The following UGT3A2 variants were observed in gnomAD, a reference collection of about 807,000 sequenced individuals.
UGT3A2 encodes UDP glycosyltransferase family 3 member A2.
UGT3A2 carries 32 observed loss-of-function variants against 39.8 expected under a neutral mutation model. The ratio of observed to expected loss-of-function variants is 0.80; its 90% CI spans 0.61 to 1.08. The LOEUF (loss-of-function observed/expected upper bound fraction) is 1.08, where lower values mean the gene tolerates loss of function less well. UGT3A2 is among the 50% of genes least tolerant of loss of function. The pLI is 0.00. For missense variants in UGT3A2, 611 were observed against 637.1 expected (o/e 0.96, Z 0.44); for synonymous variants, 241 against 230.7 (o/e 1.04, Z -0.40).
chr5:36,064,540 A>T (rs267769), intron 1 of UGT3A2, among the ~76,000 whole-genome samples, 190 bp from the exon 2 acceptor site: 57,169 of 151,976 alleles, frequency 0.38, 10,965 homozygotes, highest in African/African-American at 0.4. Context: ...TGGCCGCCCA[A>T]ATTTTTACCT....
intron 4 of UGT3A2, among the ~76,000 whole-genome samples, chr5:36,042,942 A>G (rs7702340): frequency 0.067 from 10,138 of 152,092 alleles, 1,200 homozygotes; most frequent in African/African-American, 0.23. Flanking sequence ...TAATAGATGG[A>G]AAATGCAACA....
intron 4 of UGT3A2, 80 bp downstream of exon 4, chr5:36,048,809 C>T: frequency 6.5e-7 from 1 of 1,547,788 alleles, no homozygotes; most frequent in Non-Finnish European, 8.7e-7. Flanking sequence ...CCTCAGGATC[C>T]TACTGGCAAG....
At chr5:36,042,590 AAG>A (rs1742044803) in intron 4 of UGT3A2, among the ~76,000 whole-genome samples, 1 of 152,096 alleles carries the variant, frequency 6.6e-6, no homozygotes. Flanking sequence ...TCAAAACAGA[AAG>A]AGTGATTGAA....
At chr5:36,041,974 T>C (rs934674030) in intron 4 of UGT3A2, among the ~76,000 whole-genome samples, 2 of 151,894 alleles carry the variant, frequency 1.3e-5, no homozygotes, top group Non-Finnish European at 2.9e-5. Context: ...GAATTCAAAA[T>C]AACCGTTTTG....
intron 4 of UGT3A2, among the ~76,000 whole-genome samples, chr5:36,047,099 G>A (rs901561858): frequency 6.6e-6 from 1 of 152,208 alleles, no homozygotes; most frequent in African/African-American, 2.4e-5. Flanking sequence ...TGCACTCAGT[G>A]AAAGGCTAGT....
At chr5:36,062,577 G>T (rs1157634532) in intron 2 of UGT3A2, among the ~76,000 whole-genome samples, 1 of 151,272 alleles carries the variant, frequency 6.6e-6, no homozygotes, top group Admixed American at 6.6e-5. Flanking sequence ...ATTTCTGAGG[G>T]CTCTGTTCTG....
At position 36,066,844 on chromosome 5, in the gene UGT3A2, G is replaced by A; in HGVS notation, c.-55C>T. On this transcript the variant is annotated 5_prime_UTR_variant, in exon 1 of 7. Transcript: ENST00000282507. ...GCCTGGGCTGCGCGCCCTGCGCCCG[G>A]CTAAGGGACCCTGTGCACCTCAGTG... is the stretch of plus-strand genomic sequence containing the variant. 6.2e-7 allele frequency: 1 copy of A among 1,607,544 alleles called. No individual in the cohort carries two copies. The highest frequency in any genetic ancestry group is 8.5e-7 in the Non-Finnish European group (1 of 1,174,190).
At chr5:36,064,130 C>A (rs1411158293) in intron 2 of UGT3A2, 119 bp downstream of exon 2, 7 of 935,806 alleles carry the variant, frequency 7.5e-6, no homozygotes, top group African/African-American at 3.4e-5. Context: ...CACACACAAG[C>A]TTTTCATCCT....
intron 2 of UGT3A2, among the ~76,000 whole-genome samples, chr5:36,062,780 C>G (rs973634877): frequency 2.0e-5 from 3 of 152,192 alleles, no homozygotes; most frequent in Non-Finnish European, 4.4e-5. Context: ...TGGTTCACAC[C>G]TGTAATCCCA....
rs1482856920 is a variant in UGT3A2 at position 36,048,259 on chromosome 5, A to G, written c.843+630T>C. On this transcript the variant is annotated intron_variant, in intron 4 of 6. Coordinates refer to ENST00000282507, the MANE Select transcript of UGT3A2 (RefSeq NM_174914.4). ...ACTCATCTTAGCTCTCCTCCTTTTG[A>G]AAAATTTCTATAGCAGAGGTTCTGA... Among the ~76,000 whole-genome samples the G allele has an allele frequency of 2.0e-5, 3 of 152,372 alleles. No homozygotes were observed. In the East Asian group the frequency reaches 5.8e-4, roughly 29 times the overall value.
chr5:36,041,775 G>C (rs923335042), intron 4 of UGT3A2, among the ~76,000 whole-genome samples: 8 of 152,162 alleles, frequency 5.3e-5, no homozygotes, highest in African/African-American at 1.9e-4. Flanking sequence ...GCTTTCTCAA[G>C]AAGGACAGGT....
chr5:36,042,310 C>T (rs1396343135), intron 4 of UGT3A2, among the ~76,000 whole-genome samples: 3 of 152,018 alleles, frequency 2.0e-5, no homozygotes, highest in Non-Finnish European at 2.9e-5. Context: ...GTTAAGTTGT[C>T]ATCAGATTAA....
rs1742360732 is a variant in UGT3A2 at position 36,052,060 on chromosome 5, A to G, written c.197-76T>C. 4.0e-5 allele frequency: 35 copies of G among 881,782 alleles called. No individual in the cohort carries two copies. The South Asian group carries it at 5.5e-4, about 14-fold the overall frequency. 54.6% of individuals were successfully genotyped at this position (881,782 alleles called of 1,614,324 possible). On this transcript the variant is annotated intron_variant, in intron 2 of 6. Transcript: ENST00000282507. Reference sequence around the variant, plus strand: ...GAGTAACATTAGCATAACAATATCAAAACTTATTTCAAAGATTATGTATGT... The same window carrying G: ...GAGTAACATTAGCATAACAATATCAGAACTTATTTCAAAGATTATGTATGT...
chr5:36,056,640 T>G (rs1742523026), intron 2 of UGT3A2, among the ~76,000 whole-genome samples: 1 of 152,252 alleles, frequency 6.6e-6, no homozygotes, highest in Non-Finnish European at 1.5e-5. Flanking sequence ...CGTTTAATCC[T>G]GCAGAGGCAA....
intron 1 of UGT3A2, 117 bp downstream of exon 1, chr5:36,066,579 G>C: frequency 6.4e-7 from 1 of 1,559,830 alleles, no homozygotes; most frequent in Non-Finnish European, 8.8e-7. Flanking sequence ...AGCCGGGTCC[G>C]CAAGCCCAGC....
chr5:36,054,169 A>G (rs1367215822), intron 2 of UGT3A2, among the ~76,000 whole-genome samples: 2 of 152,048 alleles, frequency 1.3e-5, no homozygotes, highest in East Asian at 3.9e-4. Flanking sequence ...CCTTATAAGA[A>G]CTCTTGCATT....
intron 4 of UGT3A2, among the ~76,000 whole-genome samples, 167 bp downstream of exon 4, chr5:36,048,722 T>C (rs1457774096): frequency 6.6e-6 from 1 of 152,174 alleles, no homozygotes; most frequent in Non-Finnish European, 1.5e-5. Flanking sequence ...CCTAACATTA[T>C]ACTTGCACAA....
Position 36,049,192 on chromosome 5 carries a change from G to A in UGT3A2, c.540C>T (p.Pro180=), listed in dbSNP as rs755079091. The change falls in exon 4 of 7, where the codon CCC becomes CCT. Residue 180 remains proline, a synonymous_variant. Transcript: ENST00000282507. ...FGSLEFGLPI[P]LSYVPVFRSL... ...AACGGAATACTGGAACATAAGACAA[G>A]GGGATTGGTAGCCCAAATTCCAAAG... 1 of 1,614,020 alleles carries A rather than the reference G, an allele frequency of 6.2e-7. No individual in the cohort carries two copies. Among genetic ancestry groups the A allele is most frequent in the Non-Finnish European group, 8.5e-7 (1 of 1,180,050 alleles).
chr5:36,061,939 G>T (rs555090972), intron 2 of UGT3A2, among the ~76,000 whole-genome samples: 1 of 149,890 alleles, frequency 6.7e-6, no homozygotes, highest in Non-Finnish European at 1.5e-5. Flanking sequence ...CATTCTAACT[G>T]GTGTGAGATT....
Sources: gnomAD v4.1 joint callset for allele counts (sites outside exome capture counted in the v4.1 genomes callset) on GRCh38, gnomAD v4.1.1 for gene constraint, MANE v1.5 for transcripts, NCBI Gene and HGNC (gene_info 2026-07-23, HGNC 2026-07-21) for gene names.